BNC2: variants seen among roughly 807,000 people sequenced by gnomAD.
The protein encoded by BNC2 is basonuclin zinc finger protein 2, also known as zinc finger protein basonuclin-2.
A neutral mutation model predicts 76.3 loss-of-function variants in BNC2; 20 were observed. The observed-to-expected ratio is 0.26, with a 90% CI of 0.18 to 0.38. The LOEUF (loss-of-function observed/expected upper bound fraction) is 0.38. Among genes scored for constraint, BNC2 ranks in the 10% least tolerant of loss-of-function variants. The probability of loss-of-function intolerance (pLI) is 1.00; values close to 1 mark genes in which losing one functional copy is unlikely to be tolerated. For missense variants in BNC2, 1,382 were observed against 1,399.8 expected, an observed-to-expected ratio of 0.99 and a Z score of 0.20; for synonymous variants, 582 against 514.8, an observed-to-expected ratio of 1.13 and a Z score of -1.77.
At chr9:16,606,148 G>A (rs912686650) in intron 3 of BNC2, among the ~76,000 whole-genome samples, 1 of 152,060 alleles carries the variant, frequency 6.6e-6, no homozygotes, top group African/African-American at 2.4e-5. Flanking sequence ...AGTAAGAGAA[G>A]TAATTATAGT....
At chr9:16,480,487 C>A (rs1411097601) in intron 5 of BNC2, among the ~76,000 whole-genome samples, 1 of 152,192 alleles carries the variant, frequency 6.6e-6, no homozygotes, top group Admixed American at 6.5e-5. Flanking sequence ...CCGGCTCCCT[C>A]GGCTTGCAGG....
At chr9:16,691,809 A>AT (rs35924079) in intron 3 of BNC2, among the ~76,000 whole-genome samples, 3,894 of 129,446 alleles carry the variant, frequency 0.03, 177 homozygotes, top group African/African-American at 0.11. Flanking sequence ...GTGCCCAGCC[A>AT]TTTTTTTTTT....
At chr9:16,502,579 G>C (rs1273249375) in intron 5 of BNC2, among the ~76,000 whole-genome samples, 1 of 151,980 alleles carries the variant, frequency 6.6e-6, no homozygotes. Flanking sequence ...TTCTTGGGGT[G>C]AATGGCTTAC....
At chr9:16,457,494 C>A (rs1174591213) in intron 5 of BNC2, among the ~76,000 whole-genome samples, 4 of 152,150 alleles carry the variant, frequency 2.6e-5, no homozygotes. Context: ...ACCAAGTGCA[C>A]GCTTCCAGTG....
At chr9:16,630,941 G>A (rs904116645) in intron 3 of BNC2, among the ~76,000 whole-genome samples, 8 of 151,972 alleles carry the variant, frequency 5.3e-5, no homozygotes, top group Admixed American at 2.6e-4. Flanking sequence ...GTTTCTCCAC[G>A]TTGGTCAGGC....
At chr9:16,709,146 G>C (rs1468735359) in intron 3 of BNC2, among the ~76,000 whole-genome samples, 1 of 152,178 alleles carries the variant, frequency 6.6e-6, no homozygotes, top group Admixed American at 6.5e-5. Context: ...TATTTGGGCT[G>C]AAGTGTTGGT....
intron 3 of BNC2, among the ~76,000 whole-genome samples, chr9:16,624,698 A>T (rs1052108228): frequency 6.6e-6 from 1 of 152,246 alleles, no homozygotes; most frequent in African/African-American, 2.4e-5. Flanking sequence ...TTAAAAGCAT[A>T]TTGAAAACTT....
intron 1 of BNC2, among the ~76,000 whole-genome samples, chr9:16,865,479 C>G (rs748700263): frequency 6.6e-6 from 1 of 152,128 alleles, no homozygotes; most frequent in Non-Finnish European, 1.5e-5. Flanking sequence ...ACCAGGCAAA[C>G]TTTTTGTAAT....
At chr9:16,647,263 G>A (rs1024681887) in intron 3 of BNC2, among the ~76,000 whole-genome samples, 4 of 152,090 alleles carry the variant, frequency 2.6e-5, no homozygotes, top group African/African-American at 4.8e-5. Flanking sequence ...GCCAAAAAGG[G>A]GTAGGTGGTA....
chr9:16,576,841 G>A (rs776546457), intron 4 of BNC2, among the ~76,000 whole-genome samples: 10 of 152,170 alleles, frequency 6.6e-5, no homozygotes, highest in Non-Finnish European at 1.2e-4. Context: ...GGGTTTAAGC[G>A]ATTCTCATGC....
chr9:16,585,644 T>C (rs1478154153), intron 3 of BNC2, among the ~76,000 whole-genome samples: 1 of 152,222 alleles, frequency 6.6e-6, no homozygotes, highest in African/African-American at 2.4e-5. Context: ...AACTTTGACA[T>C]ACTATTTATT....
At chr9:16,826,248 C>A (rs2135983767) in intron 1 of BNC2, among the ~76,000 whole-genome samples, 2 of 137,062 alleles carry the variant, frequency 1.5e-5, no homozygotes, top group South Asian at 5.2e-4. Context: ...CCCCATAACC[C>A]AGAGACTTGC....
At chr9:16,683,671 AATAG>A (rs1348908557) in intron 3 of BNC2, among the ~76,000 whole-genome samples, 2 of 152,258 alleles carry the variant, frequency 1.3e-5, no homozygotes, top group African/African-American at 2.4e-5. Flanking sequence ...ATACTCCTGA[AATAG>A]ATAGCTGGTG....
chr9:16,812,076 C>T (rs1166557547), intron 1 of BNC2, among the ~76,000 whole-genome samples: 1 of 152,192 alleles, frequency 6.6e-6, no homozygotes. Context: ...GGGAATGAAG[C>T]AGGGACTGGC....
chr9:16,726,693 T>C (rs1296436843), intron 3 of BNC2: 1 of 152,116 alleles, frequency 6.6e-6, no homozygotes, highest in Non-Finnish European at 1.5e-5. Flanking sequence ...GATGATAATA[T>C]CAAACTAACT....
At chr9:16,655,047 C>T (rs1821889497) in intron 3 of BNC2, among the ~76,000 whole-genome samples, 1 of 151,812 alleles carries the variant, frequency 6.6e-6, no homozygotes, top group African/African-American at 2.4e-5. Flanking sequence ...AGGGAGCCAC[C>T]AATCATTATA....
At chr9:16,768,496 A>T (rs1349757898) in intron 1 of BNC2, among the ~76,000 whole-genome samples, 1 of 152,106 alleles carries the variant, frequency 6.6e-6, no homozygotes, top group Non-Finnish European at 1.5e-5. Context: ...AGTTGGGGAG[A>T]TGTGTTTAGT....
At position 16,721,013 on chromosome 9, in the gene BNC2, C is replaced by T. The variant is rs184130310; in HGVS notation, c.330+6784G>A. Among the ~76,000 whole-genome samples, 443 of 152,238 alleles carry T rather than the reference C, an allele frequency of 2.9e-3. 2 individuals carry two copies. Among genetic ancestry groups the T allele is most frequent in the Middle Eastern group, 0.017 (5 of 294 alleles). On this transcript the variant is annotated intron_variant, in intron 3 of 6. Coordinates refer to ENST00000380672, the MANE Select transcript of BNC2 (RefSeq NM_017637.6). ...GGGAACGCACAAATTAAAAAATAAT[C>T]AATACTTTTATTTTTCCTATTCGTT...
chr9:16,427,239 T>C (rs528871871), intron 6 of BNC2, among the ~76,000 whole-genome samples: 22 of 152,310 alleles, frequency 1.4e-4, no homozygotes, highest in African/African-American at 5.3e-4. Flanking sequence ...CTGCCACGCA[T>C]AGGAGCTCTG....
Sources: allele counts gnomAD v4.1 joint callset (sites outside exome capture counted in the v4.1 genomes callset), GRCh38; gene constraint gnomAD v4.1.1; transcripts MANE v1.5; gene names NCBI Gene and HGNC (gene_info 2026-07-23, HGNC 2026-07-21).